The following RUNX1 variants were observed in gnomAD, a reference collection of about 807,000 sequenced individuals.
The protein encoded by RUNX1 is runt-related transcription factor 1.
Under a neutral mutation model 42.8 loss-of-function variants are expected in RUNX1, and 19 were observed. That is an observed-to-expected ratio of 0.44 (90% CI 0.31 to 0.65). RUNX1 has a LOEUF of 0.65. Among genes scored for constraint, RUNX1 ranks in the 30% least tolerant of loss-of-function variants. The probability of loss-of-function intolerance (pLI) is 0.07; values close to 1 mark genes in which losing one functional copy is unlikely to be tolerated. For missense variants in RUNX1, 528 were observed against 672.0 expected (o/e 0.79, Z 2.37); for synonymous variants, 271 against 289.4 (o/e 0.94, Z 0.64).
chr21:34,891,233 C>T (rs2058077714), intron 3 of RUNX1, among the ~76,000 whole-genome samples: 1 of 152,168 alleles, frequency 6.6e-6, no homozygotes, highest in Non-Finnish European at 1.5e-5. Context: ...GAGGCAGCGT[C>T]GTGGGAGCTG....
At chr21:35,031,516 G>A (rs2059273002) in intron 2 of RUNX1, among the ~76,000 whole-genome samples, 1 of 151,996 alleles carries the variant, frequency 6.6e-6, no homozygotes, top group African/African-American at 2.4e-5. Context: ...TGATTTTTTG[G>A]TATATATCCA....
At chr21:34,871,459 G>A (rs1026475843) in intron 5 of RUNX1, among the ~76,000 whole-genome samples, 26 of 152,124 alleles carry the variant, frequency 1.7e-4, no homozygotes, top group African/African-American at 9.7e-5. Context: ...GCAAGGAAAC[G>A]GACAAACAAA....
Position 34,788,373 on chromosome 21 carries a change from A to G in RUNX1, c.*3762T>C, listed in dbSNP as rs1055046263. 4.3e-6 allele frequency: 1 copy of G among 233,364 alleles called. No individual in the cohort carries two copies. Among genetic ancestry groups the G allele is most frequent in the Non-Finnish European group, 8.5e-6 (1 of 117,908 alleles). The allele number at this position is 233,364 out of a possible 1,614,324, so 14.5% of individuals were successfully genotyped here. A position where few individuals can be genotyped will look rare whatever the true frequency, so the allele number is the denominator to read the frequency against. On this transcript the variant is annotated 3_prime_UTR_variant, in exon 9 of 9. Transcript: ENST00000675419. ...AACAGTTCTTTTTCTTTTTTTGCAC[A>G]TTCATTTCCCCTAGAACAAAAAAAG...
At chr21:34,928,634 C>T (rs1347264019) in intron 2 of RUNX1, among the ~76,000 whole-genome samples, 6 of 151,036 alleles carry the variant, frequency 4.0e-5, no homozygotes, top group Non-Finnish European at 7.4e-5. Flanking sequence ...GAGCCAAGAT[C>T]GCGCCACTGC....
intron 7 of RUNX1, among the ~76,000 whole-genome samples, chr21:34,809,895 A>G (rs2056735705): frequency 6.6e-6 from 1 of 152,180 alleles, no homozygotes; most frequent in South Asian, 2.1e-4. Flanking sequence ...CCCCTAACCT[A>G]TGAGTTGTCG....
At chr21:34,944,325 C>T (rs1265400278) in intron 2 of RUNX1, among the ~76,000 whole-genome samples, 1 of 152,122 alleles carries the variant, frequency 6.6e-6, no homozygotes, top group African/African-American at 2.4e-5. Context: ...TTTTCTTATT[C>T]TTTGAGTTTC....
chr21:34,906,397 G>C (rs1179009570), intron 2 of RUNX1, among the ~76,000 whole-genome samples: 1 of 152,214 alleles, frequency 6.6e-6, no homozygotes, highest in African/African-American at 2.4e-5. Flanking sequence ...TATAACAACT[G>C]AGCAAATTTT....
chr21:34,794,919 T>C (rs1446075269), intron 8 of RUNX1, among the ~76,000 whole-genome samples: 1 of 152,160 alleles, frequency 6.6e-6, no homozygotes, highest in Non-Finnish European at 1.5e-5. Context: ...CCAGATATCC[T>C]GCGGGTGGGG....
intron 2 of RUNX1, among the ~76,000 whole-genome samples, chr21:35,028,764 A>C (rs989026067): frequency 6.6e-6 from 1 of 152,210 alleles, no homozygotes; most frequent in Non-Finnish European, 1.5e-5. Context: ...TCATTCAGTA[A>C]ATTTACCGAT....
intron 2 of RUNX1, among the ~76,000 whole-genome samples, chr21:35,027,955 T>C (rs1464311283): frequency 6.6e-6 from 1 of 152,218 alleles, no homozygotes; most frequent in African/African-American, 2.4e-5. Flanking sequence ...GAGTCATGTT[T>C]AATTAGTAGT....
At chr21:34,869,250 C>G (rs532410567) in intron 5 of RUNX1, among the ~76,000 whole-genome samples, 13 of 152,234 alleles carry the variant, frequency 8.5e-5, no homozygotes, top group African/African-American at 2.9e-4. Flanking sequence ...GCTCTTCTTC[C>G]TAAGTATAGT....
chr21:34,961,314 G>A (rs1045450966), intron 2 of RUNX1, among the ~76,000 whole-genome samples: 3 of 151,872 alleles, frequency 2.0e-5, no homozygotes, highest in East Asian at 1.9e-4. Context: ...CTGAGATTGC[G>A]CCACTGCACT....
intron 6 of RUNX1, among the ~76,000 whole-genome samples, chr21:34,848,655 G>A (rs912174040): frequency 2.0e-5 from 3 of 152,108 alleles, no homozygotes; most frequent in Non-Finnish European, 2.9e-5. Flanking sequence ...GGCTGGTCTC[G>A]AACTCCTGAC....
chr21:34,905,778 G>T (rs1181793391), intron 2 of RUNX1, among the ~76,000 whole-genome samples: 2 of 151,916 alleles, frequency 1.3e-5, no homozygotes, highest in Non-Finnish European at 2.9e-5. Context: ...GAAATATCTG[G>T]ATCTAAAAAA....
intron 2 of RUNX1, among the ~76,000 whole-genome samples, chr21:34,987,758 C>A (rs906659366): frequency 3.9e-5 from 6 of 152,192 alleles, no homozygotes; most frequent in African/African-American, 1.4e-4. Flanking sequence ...TCTGCAGAAA[C>A]AGGAATTCGG....
chr21:34,862,539 G>A (rs578105512), intron 5 of RUNX1, among the ~76,000 whole-genome samples: 1 of 152,330 alleles, frequency 6.6e-6, no homozygotes, highest in South Asian at 2.1e-4. Flanking sequence ...GAGGGCTCTA[G>A]GGAGGATCCT....
At position 34,803,548 on chromosome 21, in the gene RUNX1, GA is replaced by G. The variant is rs529325438; in HGVS notation, c.806-4087del. Among the ~76,000 whole-genome samples, 107 of 145,122 alleles carry G rather than the reference GA, an allele frequency of 7.4e-4. No homozygotes were observed. The South Asian group carries it at 0.014, about 19-fold the overall frequency. ...GGTGACAGAGCCAGACTCCGTCTCA[GA>G]AAAAAAAAAATAATAATAAATAAAA... On this transcript the variant is annotated intron_variant, in intron 7 of 8. Transcript: ENST00000675419.
chr21:34,819,615 T>C (rs1043654661), intron 7 of RUNX1, among the ~76,000 whole-genome samples: 17 of 152,360 alleles, frequency 1.1e-4, no homozygotes, highest in Middle Eastern at 3.4e-3. Flanking sequence ...CCTGAATTCA[T>C]GGACAAGGAC....
At chr21:35,026,646 C>G (rs2059238986) in intron 2 of RUNX1, among the ~76,000 whole-genome samples, 1 of 152,210 alleles carries the variant, frequency 6.6e-6, no homozygotes. Flanking sequence ...TTTTGGCCTC[C>G]TATGGGTCCA....
Sources: allele counts gnomAD v4.1 joint callset (sites outside exome capture counted in the v4.1 genomes callset), GRCh38; gene constraint gnomAD v4.1.1; transcripts MANE v1.5; gene names NCBI Gene and HGNC (gene_info 2026-07-23, HGNC 2026-07-21).